Variants in RAI14 observed in about 807,000 individuals in gnomAD.
The protein encoded by RAI14 is retinoic acid induced 14.
RAI14 carries 45 observed loss-of-function variants against 115.4 expected under a neutral mutation model. The observed-to-expected ratio is 0.39, with a 90% CI of 0.31 to 0.50. The LOEUF is 0.50. Ranked by LOEUF, RAI14 falls within the 20% of genes least tolerant of loss-of-function variation. The pLI, the probability that RAI14 is intolerant of heterozygous loss-of-function variation, is 0.85. For missense variants in RAI14, 939 were observed against 1,131.2 expected (o/e 0.83, Z 2.44); for synonymous variants, 371 against 415.4 (o/e 0.89, Z 1.30).
At chr5:34,768,544 C>G (rs1219559891) in intron 3 of RAI14, among the ~76,000 whole-genome samples, 2 of 152,160 alleles carry the variant, frequency 1.3e-5, no homozygotes, top group African/African-American at 2.4e-5. Context: ...TACAAATCGC[C>G]TGTTCTACAT....
chr5:34,705,033 A>G (rs1025959759), intron 2 of RAI14, among the ~76,000 whole-genome samples: 10 of 152,096 alleles, frequency 6.6e-5, no homozygotes, highest in Admixed American at 6.5e-5. Context: ...GGCCCAAGCA[A>G]TGCTCCCACC....
At chr5:34,669,587 G>A (rs983409812) in intron 1 of RAI14, among the ~76,000 whole-genome samples, 1 of 152,206 alleles carries the variant, frequency 6.6e-6, no homozygotes, top group Admixed American at 6.5e-5. Flanking sequence ...GCTTTTGTGT[G>A]TGGCTTCCCG....
At chr5:34,700,266 T>C (rs1739896599) in intron 2 of RAI14, among the ~76,000 whole-genome samples, 3 of 152,218 alleles carry the variant, frequency 2.0e-5, no homozygotes, top group African/African-American at 7.2e-5. Flanking sequence ...TGTAGGTGCC[T>C]GGTGAATAAC....
intron 2 of RAI14, among the ~76,000 whole-genome samples, chr5:34,748,276 G>A (rs922603821): frequency 2.6e-5 from 4 of 152,130 alleles, no homozygotes; most frequent in African/African-American, 7.2e-5. Flanking sequence ...TGTAAGTAAA[G>A]GGAAAAGACA....
chr5:34,729,814 A>G (rs1743951054), intron 2 of RAI14, among the ~76,000 whole-genome samples: 1 of 152,180 alleles, frequency 6.6e-6, no homozygotes, highest in South Asian at 2.1e-4. Flanking sequence ...CAATGTATGA[A>G]CCTCATTTGT....
chr5:34,812,111 C>A, intron 9 of RAI14, 69 bp from the exon 10 acceptor site: 2 of 1,391,376 alleles, frequency 1.4e-6, no homozygotes, highest in Non-Finnish European at 2.0e-6. Context: ...GTGTGTGTAT[C>A]CCCCCACCCA....
Position 34,711,894 on chromosome 5 carries a change from G to A in RAI14, c.36+24939G>A, listed in dbSNP as rs374606515. On this transcript the variant is annotated intron_variant, in intron 2 of 17. Coordinates refer to ENST00000265109, the MANE Select transcript of RAI14 (RefSeq NM_015577.3). ...CTTGTATGCTGCTGAAAGTTACACC[G>A]CCTCTTTTCCTTATTCTATTTTTTT... Among the ~76,000 whole-genome samples the A allele has an allele frequency of 5.3e-5, 8 of 152,246 alleles. No individual in the cohort carries two copies. The South Asian group carries it at 1.2e-3, about 24-fold the overall frequency.
In RAI14 at chr5:34,813,668, CA is replaced by C; in HGVS notation, c.852+12del. 6.3e-7 allele frequency: 1 copy of C among 1,589,410 alleles called. No homozygotes were observed. Among genetic ancestry groups the C allele is most frequent in the Non-Finnish European group, 8.6e-7 (1 of 1,162,932 alleles). On this transcript the variant is annotated intron_variant, in intron 11 of 17. Coordinates refer to ENST00000265109, the MANE Select transcript of RAI14 (RefSeq NM_015577.3). ...CCTATCAGTCCTACCCAGGTAAAAA[CA>C]AAAGCAAACCAACAATCAATAAACG...
At position 34,724,319 on chromosome 5, in the gene RAI14, T is replaced by C. The variant is rs529983352; in HGVS notation, c.37-33149T>C. 4.6e-5 allele frequency among the ~76,000 whole-genome samples: 7 copies of C among 152,228 alleles called. No individual in the cohort carries two copies. The South Asian group carries it at 1.4e-3, about 32-fold the overall frequency. On this transcript the variant is annotated intron_variant, in intron 2 of 17. Coordinates refer to ENST00000265109, the MANE Select transcript of RAI14 (RefSeq NM_015577.3). ...GTGTGAGCCACCACACCCGGCCTAG[T>C]TGTTCCTTTCTAGAGGACAGATCCA...
intron 2 of RAI14, among the ~76,000 whole-genome samples, chr5:34,710,767 G>T (rs770844730): frequency 6.6e-6 from 1 of 151,280 alleles, no homozygotes; most frequent in African/African-American, 2.4e-5. Context: ...TTATCAATGA[G>T]TGAGCTTCAG....
chr5:34,804,390 A>G (rs1202877306), intron 5 of RAI14, among the ~76,000 whole-genome samples: 2 of 152,214 alleles, frequency 1.3e-5, no homozygotes, highest in South Asian at 4.1e-4. Context: ...TGAACTCCCA[A>G]TAGCCATCCA....
At chr5:34,709,885 C>G (rs1031952511) in intron 2 of RAI14, among the ~76,000 whole-genome samples, 6 of 152,106 alleles carry the variant, frequency 3.9e-5, no homozygotes, top group Admixed American at 6.6e-5. Flanking sequence ...TCCTCATTCC[C>G]CCAGAGATAA....
Position 34,826,338 on chromosome 5 carries a change from G to A in RAI14, c.2658G>A (p.Glu886=). ...LEEDKDKKIN[E]MSKEVTKLKE... ...TTTTCCTTTGCCCCTAGATAAATGA[G>A]ATGTCGAAGGAAGTCACCAAATTGA... Residue 886 remains glutamate (E), a synonymous_variant, in exon 16 of 18, where the codon GAG becomes GAA. Transcript: ENST00000265109. The A allele has an allele frequency of 6.2e-7, 1 of 1,613,720 alleles. No individual in the cohort carries two copies. Among genetic ancestry groups the A allele is most frequent in the Non-Finnish European group, 8.5e-7 (1 of 1,179,776 alleles).
chr5:34,795,200 G>A (rs336462), intron 3 of RAI14, among the ~76,000 whole-genome samples: 34,204 of 152,112 alleles, frequency 0.22, 4,596 homozygotes, highest in African/African-American at 0.38. Context: ...CTAGTGACCA[G>A]TCTAAACATG....
At chr5:34,757,288 A>G in intron 2 of RAI14, 180 bp from the exon 3 acceptor site, 1 of 700,650 alleles carries the variant, frequency 1.4e-6, no homozygotes, top group Non-Finnish European at 2.6e-6. Context: ...TTCTTTTGGG[A>G]AAGCGGCCTT....
At chr5:34,688,239 G>C (rs778324589) in intron 2 of RAI14, 10 of 1,550,280 alleles carry the variant, frequency 6.5e-6, no homozygotes, top group Non-Finnish European at 8.7e-6. Context: ...TTTCAGCTAA[G>C]GAGAAAAAGG....
intron 3 of RAI14, among the ~76,000 whole-genome samples, chr5:34,762,127 C>G (rs776827965): frequency 6.6e-6 from 1 of 152,164 alleles, no homozygotes; most frequent in Non-Finnish European, 1.5e-5. Context: ...GTGTAAATAA[C>G]TTTTCAGTGT....
At position 34,806,106 on chromosome 5, in the gene RAI14, C is replaced by T. The variant is rs1754858280; in HGVS notation, c.322-1694C>T. 2.6e-5 allele frequency among the ~76,000 whole-genome samples: 4 copies of T among 152,158 alleles called. No individual in the cohort carries two copies. In the East Asian group the frequency reaches 5.8e-4, roughly 22 times the overall value. ...AGAGGTGGAGGTTCATGGAAGGCCT[C>T]GTGAAGGAGGTGATATTTAAGCTGA... is the stretch of plus-strand genomic sequence containing the variant. On this transcript the variant is annotated intron_variant, in intron 5 of 17. Transcript: ENST00000265109.
chr5:34,760,909 C>T (rs1266277115), intron 3 of RAI14, among the ~76,000 whole-genome samples: 1 of 152,210 alleles, frequency 6.6e-6, no homozygotes, highest in African/African-American at 2.4e-5. Context: ...CTCCCCTCCC[C>T]TTCCTCTGGC....
Sources: gnomAD v4.1 joint callset for allele counts (sites outside exome capture counted in the v4.1 genomes callset) on GRCh38, gnomAD v4.1.1 for gene constraint, MANE v1.5 for transcripts, NCBI Gene and HGNC (gene_info 2026-07-23, HGNC 2026-07-21) for gene names.